KCNK10: variants seen among roughly 807,000 people sequenced by gnomAD.
The protein encoded by KCNK10 is potassium channel subfamily K member 10.
Under a neutral mutation model 47.7 loss-of-function variants are expected in KCNK10, and 25 were observed. The ratio of observed to expected loss-of-function variants is 0.52; its 90% CI spans 0.38 to 0.73. The LOEUF is 0.73. Ranked by LOEUF, KCNK10 falls within the 30% of genes least tolerant of loss-of-function variation. The pLI, the probability that KCNK10 is intolerant of heterozygous loss-of-function variation, is 0.00. For missense variants in KCNK10, 563 were observed against 714.5 expected (o/e 0.79, Z 2.42); for synonymous variants, 303 against 285.6 (o/e 1.06, Z -0.61).
chr14:88,283,910 CA>C (rs953353447), intron 1 of KCNK10, among the ~76,000 whole-genome samples: 29 of 145,020 alleles, frequency 2.0e-4, no homozygotes, highest in African/African-American at 4.8e-4. Context: ...GAGACTGTCT[CA>C]AAAAAAAAAG....
intron 4 of KCNK10, among the ~76,000 whole-genome samples, chr14:88,217,729 C>CT (rs112016929): frequency 0.39 from 57,916 of 146,874 alleles, 12,498 homozygotes; most frequent in African/African-American, 0.58. Flanking sequence ...TAATTTGAAT[C>CT]TTTTTTTTTT....
intron 2 of KCNK10, among the ~76,000 whole-genome samples, chr14:88,259,381 A>G (rs1437267995): frequency 2.0e-5 from 3 of 152,252 alleles, no homozygotes; most frequent in Admixed American, 2.0e-4. Context: ...ATCTAAAAGC[A>G]TCCCAGGTCC....
At chr14:88,218,675 C>T (rs1398453725) in intron 4 of KCNK10, among the ~76,000 whole-genome samples, 1 of 152,098 alleles carries the variant, frequency 6.6e-6, no homozygotes, top group Admixed American at 6.6e-5. Flanking sequence ...AGGCCAAAGT[C>T]CAGCTTGGAG....
chr14:88,205,320 C>T (rs1313941894), intron 4 of KCNK10, among the ~76,000 whole-genome samples: 7 of 152,076 alleles, frequency 4.6e-5, no homozygotes, highest in African/African-American at 1.7e-4. Context: ...CTGTTCATTC[C>T]TCACACACAA....
At chr14:88,230,040 C>T (rs1303117357) in intron 3 of KCNK10, among the ~76,000 whole-genome samples, 2 of 152,146 alleles carry the variant, frequency 1.3e-5, no homozygotes, top group African/African-American at 2.4e-5. Context: ...CCCTCACTTT[C>T]TTCATCAAAA....
At chr14:88,259,680 C>A (rs1215612306) in intron 2 of KCNK10, among the ~76,000 whole-genome samples, 1 of 152,210 alleles carries the variant, frequency 6.6e-6, no homozygotes, top group Admixed American at 6.5e-5. Context: ...TGGTCTCGAA[C>A]TGCTGGGCTC....
intron 2 of KCNK10, among the ~76,000 whole-genome samples, chr14:88,261,464 A>G (rs1264793619): frequency 6.6e-6 from 1 of 152,232 alleles, no homozygotes; most frequent in African/African-American, 2.4e-5. Flanking sequence ...CCATGAAAGA[A>G]GAAAAGGGAT....
intron 4 of KCNK10, among the ~76,000 whole-genome samples, chr14:88,196,255 A>G (rs1884909881): frequency 1.3e-5 from 2 of 152,202 alleles, no homozygotes; most frequent in African/African-American, 2.4e-5. Context: ...TTAAAATTAT[A>G]TGTGCAATTG....
intron 1 of KCNK10, among the ~76,000 whole-genome samples, chr14:88,267,652 G>A (rs566797578): frequency 4.6e-5 from 7 of 152,278 alleles, no homozygotes; most frequent in East Asian, 1.9e-4. Flanking sequence ...GATTACAGAC[G>A]TAAGCCACCG....
intron 1 of KCNK10, among the ~76,000 whole-genome samples, chr14:88,314,617 G>C (rs1888391990): frequency 6.6e-6 from 1 of 152,146 alleles, no homozygotes. Flanking sequence ...AATACTAAGA[G>C]TCTTCCAGAG....
chr14:88,260,654 G>C lies in KCNK10; in HGVS notation c.402+2548C>G, dbSNP rs1218300967. On this transcript the variant is annotated intron_variant, in intron 2 of 6. Transcript: ENST00000319231. This position sits in a 1 kb window ranked among gnomAD's most constrained non-coding sequence, Gnocchi z 4.5. ...AGTTACTCACCTCTTTAAGGAAACT[G>C]ATGTTTCCTCCCCTGTAAAATGGGA... Among the ~76,000 whole-genome samples, 1 of 152,210 alleles carries C rather than the reference G, an allele frequency of 6.6e-6. No individual in the cohort carries two copies. Among genetic ancestry groups the C allele is most frequent in the Non-Finnish European group, 1.5e-5 (1 of 68,040 alleles).
In KCNK10 at chr14:88,220,002, AG is replaced by A. The variant is rs559876262; in HGVS notation, c.681+7372del. Among the ~76,000 whole-genome samples the A allele has an allele frequency of 1.3e-3, 195 of 152,326 alleles. 1 individual carries two copies. The highest frequency in any genetic ancestry group is 4.6e-3 in the African/African-American group (192 of 41,570). On this transcript the variant is annotated intron_variant, in intron 4 of 6. Coordinates refer to ENST00000319231, the MANE Select transcript of KCNK10 (RefSeq NM_138317.3). The stretch of plus-strand genomic sequence containing the variant: ...ATCTCATTCTGGTCAATGAGACAGA[AG>A]GGGAAATCTACAGGGTAACTTCTGG...
intron 1 of KCNK10, among the ~76,000 whole-genome samples, chr14:88,310,153 C>CATATGGTA (rs1888283390): frequency 3.6e-4 from 3 of 8,442 alleles, no homozygotes; most frequent in African/African-American, 1.7e-3. Flanking sequence ...ATCCATATCT[C>CATATGGTA]TCTCATATAC....
At chr14:88,227,663 T>G in intron 3 of KCNK10, 128 bp from the exon 4 acceptor site, 1 of 725,744 alleles carries the variant, frequency 1.4e-6, no homozygotes, top group Non-Finnish European at 2.2e-6. Context: ...GAACTTCATT[T>G]CAAAGGCCCT....
At chr14:88,292,062 C>G (rs12895326) in intron 1 of KCNK10, among the ~76,000 whole-genome samples, 7,494 of 152,252 alleles carry the variant, frequency 0.049, 256 homozygotes, top group Non-Finnish European at 0.068. Context: ...ACAGGGTGGC[C>G]AAGAACTCAC....
chr14:88,238,586 G>A (rs978279852), intron 3 of KCNK10, among the ~76,000 whole-genome samples: 3 of 152,128 alleles, frequency 2.0e-5, no homozygotes, highest in Non-Finnish European at 4.4e-5. Context: ...GAGGTGGGAG[G>A]ATCCCTTGAG....
At chr14:88,219,361 C>T (rs535342061) in intron 4 of KCNK10, among the ~76,000 whole-genome samples, 1 of 152,342 alleles carries the variant, frequency 6.6e-6, no homozygotes, top group African/African-American at 2.4e-5. Context: ...GGCCAATGGG[C>T]TCTACCTGAG....
intron 4 of KCNK10, among the ~76,000 whole-genome samples, chr14:88,207,114 T>C (rs568580145): frequency 6.6e-6 from 1 of 151,866 alleles, no homozygotes; most frequent in African/African-American, 2.4e-5. Context: ...GAACTTTTTT[T>C]CCCCATTGCC....
chr14:88,228,750 G>A (rs1028251021), intron 3 of KCNK10, among the ~76,000 whole-genome samples: 3 of 152,168 alleles, frequency 2.0e-5, no homozygotes, highest in African/African-American at 7.2e-5. Flanking sequence ...ACTTTCTTTT[G>A]CAATCTTCTG....
Sources: allele counts gnomAD v4.1 joint callset (sites outside exome capture counted in the v4.1 genomes callset), GRCh38; gene constraint gnomAD v4.1.1; non-coding constraint Gnocchi (gnomAD v3.1); transcripts MANE v1.5; gene names NCBI Gene and HGNC (gene_info 2026-07-23, HGNC 2026-07-21).